The following SPAG16 variants were observed in gnomAD, a reference collection of about 807,000 sequenced individuals.
SPAG16 encodes sperm associated antigen 16.
In SPAG16, 86 loss-of-function variants were observed where a neutral mutation model predicts 80.4. The observed-to-expected ratio is 1.07, with a 90% CI of 0.90 to 1.28. SPAG16 has a LOEUF of 1.28. SPAG16 is among the 50% of genes most tolerant of loss of function. SPAG16 has a pLI of 0.00. For synonymous variants in SPAG16, 294 were observed against 265.9 expected (o/e 1.11, Z -1.03); for missense variants, 870 against 765.3 (o/e 1.14, Z -1.61).
In SPAG16 at chr2:213,297,495, C is replaced by G. The variant is rs1287347038; in HGVS notation, c.279+138C>G. The G allele has an allele frequency of 5.8e-6, 3 of 515,944 alleles. No homozygotes were observed. The Admixed American group carries it at 1.1e-4, about 20-fold the overall frequency. 32.0% of individuals were successfully genotyped at this position (515,944 alleles called of 1,614,324 possible). ...ATTTTCATCTCTGTTTATTTGTGAT[C>G]AAGCCTTCACTTTAAGGTAAGCAGT... is the stretch of plus-strand genomic sequence containing the variant. On this transcript the variant is annotated intron_variant, in intron 3 of 15. Coordinates refer to ENST00000331683, the MANE Select transcript of SPAG16 (RefSeq NM_024532.5).
chr2:214,192,635 AT>A lies in SPAG16; in HGVS notation c.1720+43377del, dbSNP rs919291657. Among the ~76,000 whole-genome samples, 21 of 34,584 alleles carry A rather than the reference AT, an allele frequency of 6.1e-4. No individual in the cohort carries two copies. The East Asian group carries it at 0.018, about 30-fold the overall frequency. The allele number at this position is 34,584 out of a possible 152,430, so 22.7% of individuals were successfully genotyped here. A position where few individuals can be genotyped will look rare whatever the true frequency, so the allele number is the denominator to read the frequency against. On this transcript the variant is annotated intron_variant, in intron 15 of 15. Transcript: ENST00000331683. ...ACTTAGTAGTATTGTATATTCCTTT[AT>A]TTTTTTTGTACTTTTCCAAAGAGAC...
chr2:214,194,416 G>A (rs1412191360), intron 15 of SPAG16, among the ~76,000 whole-genome samples: 3 of 151,920 alleles, frequency 2.0e-5, no homozygotes, highest in Non-Finnish European at 2.9e-5. Flanking sequence ...TGTATGTTTG[G>A]TATCTGAAAT....
chr2:213,399,711 A>G (rs1307751245), intron 9 of SPAG16, among the ~76,000 whole-genome samples: 6 of 151,976 alleles, frequency 3.9e-5, no homozygotes, highest in Non-Finnish European at 1.5e-5. Flanking sequence ...AAAGATTTTT[A>G]TACCCTGGAA....
At chr2:213,396,081 G>T (rs2068020982) in intron 9 of SPAG16, among the ~76,000 whole-genome samples, 1 of 152,056 alleles carries the variant, frequency 6.6e-6, no homozygotes. Flanking sequence ...CATACCTCTA[G>T]ATTATTTTAG....
intron 10 of SPAG16, among the ~76,000 whole-genome samples, chr2:213,608,501 A>G (rs902041304): frequency 1.3e-5 from 2 of 152,108 alleles, no homozygotes; most frequent in Non-Finnish European, 2.9e-5. Flanking sequence ...AAGGACATGA[A>G]CTCATCATTT....
chr2:213,506,882 GTTC>G (rs574045961), intron 10 of SPAG16, among the ~76,000 whole-genome samples: 82 of 152,162 alleles, frequency 5.4e-4, no homozygotes, highest in African/African-American at 9.9e-4. Context: ...ATTATCCTCA[GTTC>G]TTCTTTCATG....
intron 10 of SPAG16, among the ~76,000 whole-genome samples, chr2:213,814,172 C>T (rs2072368100): frequency 6.6e-6 from 1 of 152,194 alleles, no homozygotes; most frequent in African/African-American, 2.4e-5. Flanking sequence ...ATGTTACAGT[C>T]TTCAGTACAA....
At chr2:213,971,550 C>A (rs533899101) in intron 12 of SPAG16, among the ~76,000 whole-genome samples, 23 of 152,220 alleles carry the variant, frequency 1.5e-4, no homozygotes, top group East Asian at 5.8e-4. Context: ...TTTTCAGTGG[C>A]ATTAATTATA....
chr2:213,702,524 C>T (rs765142732), intron 10 of SPAG16, among the ~76,000 whole-genome samples: 8 of 152,268 alleles, frequency 5.3e-5, no homozygotes, highest in East Asian at 1.9e-4. Flanking sequence ...TGTAACGCCG[C>T]GAGGGTCCAC....
intron 9 of SPAG16, among the ~76,000 whole-genome samples, chr2:213,460,542 T>C (rs955163319): frequency 6.6e-6 from 1 of 152,200 alleles, no homozygotes; most frequent in African/African-American, 2.4e-5. Context: ...GGCAAAGAGA[T>C]TAAGCTAATT....
intron 10 of SPAG16, among the ~76,000 whole-genome samples, chr2:213,524,379 T>C (rs966787654): frequency 6.6e-6 from 1 of 152,016 alleles, no homozygotes; most frequent in Non-Finnish European, 1.5e-5. Context: ...CAGAGTAGTG[T>C]GGAAGAGAAA....
intron 10 of SPAG16, among the ~76,000 whole-genome samples, chr2:213,844,406 T>A (rs1386383991): frequency 6.6e-6 from 1 of 152,204 alleles, no homozygotes; most frequent in Non-Finnish European, 1.5e-5. Context: ...ATTTCGGTTA[T>A]CTAGCAGACT....
At chr2:213,700,693 A>G (rs1425096763) in intron 10 of SPAG16, among the ~76,000 whole-genome samples, 1 of 152,236 alleles carries the variant, frequency 6.6e-6, no homozygotes, top group African/African-American at 2.4e-5. Flanking sequence ...AAATAAAGAT[A>G]ATGCTAAATG....
intron 10 of SPAG16, among the ~76,000 whole-genome samples, chr2:213,526,440 T>A (rs772150351): frequency 5.3e-5 from 8 of 152,212 alleles, no homozygotes; most frequent in Non-Finnish European, 1.0e-4. Context: ...GTGTAAAACT[T>A]ATTTTAATCA....
intron 9 of SPAG16, among the ~76,000 whole-genome samples, chr2:213,489,102 T>C (rs1461325725): frequency 6.6e-6 from 1 of 151,912 alleles, no homozygotes; most frequent in African/African-American, 2.4e-5. Context: ...AAAAAAGATT[T>C]TTCATGCCTA....
At chr2:213,672,827 GT>G (rs200763363) in intron 10 of SPAG16, among the ~76,000 whole-genome samples, 103 of 143,742 alleles carry the variant, frequency 7.2e-4, no homozygotes, top group Middle Eastern at 7.2e-3. Context: ...TCAATGATCA[GT>G]TTTTTTTTGT....
At chr2:213,355,148 A>G (rs1035236814) in intron 7 of SPAG16, among the ~76,000 whole-genome samples, 1 of 152,086 alleles carries the variant, frequency 6.6e-6, no homozygotes, top group African/African-American at 2.4e-5. Flanking sequence ...TGTTTTTGTC[A>G]GGTTTGTCAA....
intron 15 of SPAG16, among the ~76,000 whole-genome samples, chr2:214,391,414 A>C (rs1701074296): frequency 6.6e-6 from 1 of 152,208 alleles, no homozygotes; most frequent in Admixed American, 6.5e-5. Context: ...TATTCCTAAA[A>C]CTTAGATTAC....
At chr2:213,788,580 G>A (rs1404933633) in intron 10 of SPAG16, among the ~76,000 whole-genome samples, 1 of 151,924 alleles carries the variant, frequency 6.6e-6, no homozygotes, top group Non-Finnish European at 1.5e-5. Flanking sequence ...AATATCCACA[G>A]TGTTTTTCCT....
Sources: allele counts gnomAD v4.1 joint callset (sites outside exome capture counted in the v4.1 genomes callset), GRCh38; gene constraint gnomAD v4.1.1; transcripts MANE v1.5; gene names NCBI Gene and HGNC (gene_info 2026-07-23, HGNC 2026-07-21).